ADAMTS17: variants seen among roughly 807,000 people sequenced by gnomAD.
ADAMTS17 encodes the protein ADAM metallopeptidase with thrombospondin type 1 motif 17, also known as A disintegrin and metalloproteinase with thrombospondin motifs 17.
ADAMTS17 carries 113 observed loss-of-function variants against 141.5 expected under a neutral mutation model. The observed-to-expected ratio is 0.80, with a 90% confidence interval of 0.69 to 0.93. ADAMTS17 has a LOEUF of 0.93. ADAMTS17 is among the 40% of genes least tolerant of loss of function. ADAMTS17 has a pLI of 0.00. For missense variants in ADAMTS17, 1,659 were observed against 1,517.9 expected (o/e 1.09, Z -1.54); for synonymous variants, 768 against 630.6 (o/e 1.22, Z -3.27).
intron 14 of ADAMTS17, among the ~76,000 whole-genome samples, chr15:100,097,315 T>C (rs1232853357): frequency 6.6e-6 from 1 of 152,160 alleles, no homozygotes; most frequent in African/African-American, 2.4e-5. Flanking sequence ...AGAACTGGGT[T>C]TTTCCTACTG....
intron 3 of ADAMTS17, among the ~76,000 whole-genome samples, chr15:100,317,585 C>T (rs1035526974): frequency 1.3e-5 from 2 of 152,140 alleles, no homozygotes; most frequent in African/African-American, 4.8e-5. Flanking sequence ...GCTGTGCTCT[C>T]GCAGGGCACG....
intron 14 of ADAMTS17, among the ~76,000 whole-genome samples, chr15:100,107,501 G>A (rs1343857205): frequency 2.0e-5 from 3 of 152,198 alleles, no homozygotes; most frequent in Non-Finnish European, 2.9e-5. Context: ...GCTGAGGGCA[G>A]AGCGCTCCCT....
chr15:100,081,829 G>A (rs114718292), intron 15 of ADAMTS17, among the ~76,000 whole-genome samples: 1,995 of 152,256 alleles, frequency 0.013, 38 homozygotes, highest in African/African-American at 0.043. Context: ...AAGGCTCAGC[G>A]TCCTATACAC....
At chr15:100,005,723 C>T (rs145713925) in intron 18 of ADAMTS17, among the ~76,000 whole-genome samples, 106 of 152,296 alleles carry the variant, frequency 7.0e-4, no homozygotes, top group African/African-American at 2.3e-3. Context: ...TGACTACCAA[C>T]CTGTATTAGT....
intron 18 of ADAMTS17, among the ~76,000 whole-genome samples, chr15:100,012,077 T>C (rs1323850016): frequency 6.6e-6 from 1 of 152,254 alleles, no homozygotes; most frequent in African/African-American, 2.4e-5. Context: ...TTTTTGGTTA[T>C]GGTCATTCTT....
chr15:100,041,380 C>T (rs2031240262), intron 18 of ADAMTS17, among the ~76,000 whole-genome samples: 1 of 152,190 alleles, frequency 6.6e-6, no homozygotes, highest in Non-Finnish European at 1.5e-5. Flanking sequence ...CTAATAAGCT[C>T]TTAAAGACTG....
intron 21 of ADAMTS17, among the ~76,000 whole-genome samples, chr15:99,975,094 C>A (rs551867190): frequency 1.3e-5 from 2 of 152,204 alleles, no homozygotes; most frequent in African/African-American, 4.8e-5. Flanking sequence ...AGGCCTCCCC[C>A]GGAACAAAGA....
chr15:100,062,573 T>G (rs1383426309), intron 15 of ADAMTS17, among the ~76,000 whole-genome samples: 1 of 152,200 alleles, frequency 6.6e-6, no homozygotes, highest in African/African-American at 2.4e-5. Flanking sequence ...AAAGAAAGAC[T>G]CCGACTTTTG....
intron 8 of ADAMTS17, among the ~76,000 whole-genome samples, chr15:100,176,716 A>T (rs1329172908): frequency 6.6e-6 from 1 of 152,170 alleles, no homozygotes; most frequent in Non-Finnish European, 1.5e-5. Context: ...CACCACAATC[A>T]AGAAACTTAA....
intron 8 of ADAMTS17, among the ~76,000 whole-genome samples, chr15:100,188,288 G>A (rs1204994383): frequency 6.6e-6 from 1 of 151,840 alleles, no homozygotes; most frequent in Non-Finnish European, 1.5e-5. Flanking sequence ...TGTTGGTCAG[G>A]CTGGTCTCAA....
At chr15:100,010,731 A>G (rs1453598797) in intron 18 of ADAMTS17, among the ~76,000 whole-genome samples, 1 of 152,220 alleles carries the variant, frequency 6.6e-6, no homozygotes, top group Non-Finnish European at 1.5e-5. Context: ...GGCTGCTTTT[A>G]TTGAACAGAT....
At chr15:100,062,217 G>C (rs538335573) in intron 15 of ADAMTS17, among the ~76,000 whole-genome samples, 1 of 152,312 alleles carries the variant, frequency 6.6e-6, no homozygotes, top group East Asian at 1.9e-4. Context: ...GCACATGGAT[G>C]TCAACTCCAG....
intron 8 of ADAMTS17, among the ~76,000 whole-genome samples, chr15:100,183,003 T>C (rs545415523): frequency 6.6e-6 from 1 of 152,306 alleles, no homozygotes; most frequent in Admixed American, 6.5e-5. Flanking sequence ...TTTTCTTTTT[T>C]TTTGAGACAG....
chr15:100,253,058 A>G (rs1391966623), intron 7 of ADAMTS17, among the ~76,000 whole-genome samples: 1 of 152,046 alleles, frequency 6.6e-6, no homozygotes. Flanking sequence ...TGTGAATTTC[A>G]TAACAGTATA....
At chr15:100,119,869 C>A (rs896870654) in intron 12 of ADAMTS17, among the ~76,000 whole-genome samples, 1 of 152,210 alleles carries the variant, frequency 6.6e-6, no homozygotes, top group Non-Finnish European at 1.5e-5. Flanking sequence ...GAGGCCACCT[C>A]CACCCTATTT....
At chr15:100,159,189 A>C (rs1041740957) in intron 8 of ADAMTS17, among the ~76,000 whole-genome samples, 1 of 152,236 alleles carries the variant, frequency 6.6e-6, no homozygotes, top group African/African-American at 2.4e-5. Flanking sequence ...TTACAGCATT[A>C]TTCACAATAG....
chr15:100,154,265 T>C (rs1275931455), intron 9 of ADAMTS17, among the ~76,000 whole-genome samples: 2 of 152,162 alleles, frequency 1.3e-5, no homozygotes, highest in Non-Finnish European at 2.9e-5. Context: ...CTTACAGCAT[T>C]TCCTAAGATC....
chr15:99,984,654 A>C (rs562316299), intron 20 of ADAMTS17, among the ~76,000 whole-genome samples: 1 of 152,288 alleles, frequency 6.6e-6, no homozygotes, highest in African/African-American at 2.4e-5. Flanking sequence ...GCTACCCCTA[A>C]ACTCATCTGA....
chr15:100,174,812 C>A (rs1028185492), intron 8 of ADAMTS17, among the ~76,000 whole-genome samples: 1 of 152,082 alleles, frequency 6.6e-6, no homozygotes, highest in African/African-American at 2.4e-5. Context: ...ATTGCATGAA[C>A]GACAGTAGAT....
Sources: gnomAD v4.1 joint callset for allele counts (sites outside exome capture counted in the v4.1 genomes callset) on GRCh38, gnomAD v4.1.1 for gene constraint, MANE v1.5 for transcripts, NCBI Gene and HGNC (gene_info 2026-07-23, HGNC 2026-07-21) for gene names.